STAC: variants seen among roughly 807,000 people sequenced by gnomAD.
STAC encodes the protein SH3 and cysteine-rich domain-containing protein.
In STAC, 43 loss-of-function variants were observed where a neutral mutation model predicts 48.8. The observed-to-expected ratio is 0.88, with a 90% CI of 0.69 to 1.14. STAC has a LOEUF of 1.14. Ranked by LOEUF, STAC falls within the 50% of genes most tolerant of loss-of-function variation. The pLI is 0.00. For synonymous variants in STAC, 193 were observed against 179.5 expected, an observed-to-expected ratio of 1.07 and a Z score of -0.60; for missense variants, 497 against 504.0, an observed-to-expected ratio of 0.99 and a Z score of 0.13.
At chr3:36,418,480 G>A (rs1034331918) in intron 1 of STAC, among the ~76,000 whole-genome samples, 4 of 151,948 alleles carry the variant, frequency 2.6e-5, no homozygotes, top group Non-Finnish European at 4.4e-5. Flanking sequence ...AATAGAATGT[G>A]GCTTGTTTAA....
chr3:36,447,829 C>T (rs1424579743), intron 2 of STAC, among the ~76,000 whole-genome samples: 1 of 152,162 alleles, frequency 6.6e-6, no homozygotes, highest in Non-Finnish European at 1.5e-5. Context: ...CTCTGAGGTT[C>T]TGTCCATCAT....
intron 8 of STAC, among the ~76,000 whole-genome samples, chr3:36,516,739 TA>T (rs1698683156): frequency 6.6e-6 from 1 of 152,228 alleles, no homozygotes. Context: ...GCAAACTGTT[TA>T]ATCTTTTAGA....
chr3:36,399,823 C>G (rs1350243326), intron 1 of STAC, among the ~76,000 whole-genome samples: 1 of 152,164 alleles, frequency 6.6e-6, no homozygotes, highest in Non-Finnish European at 1.5e-5. Flanking sequence ...ATAGATAAAT[C>G]AAAGCCCAGA....
intron 8 of STAC, chr3:36,506,057 A>T (rs2125714130): frequency 5.5e-6 from 2 of 365,886 alleles, no homozygotes; most frequent in East Asian, 9.5e-5. Context: ...TGCATTCCTA[A>T]GGAGTTCCCA....
At chr3:36,475,262 A>AT (rs34947140) in intron 2 of STAC, among the ~76,000 whole-genome samples, 18 of 148,854 alleles carry the variant, frequency 1.2e-4, no homozygotes, top group East Asian at 2.0e-4. Flanking sequence ...ACATCATGTT[A>AT]TTTTTTTTTT....
At chr3:36,403,972 G>A (rs992211820) in intron 1 of STAC, among the ~76,000 whole-genome samples, 1 of 152,066 alleles carries the variant, frequency 6.6e-6, no homozygotes, top group African/African-American at 2.4e-5. Flanking sequence ...TGACTTGAAA[G>A]GTATTTTATA....
At chr3:36,523,705 A>T (rs1029309326) in intron 8 of STAC, among the ~76,000 whole-genome samples, 1 of 152,246 alleles carries the variant, frequency 6.6e-6, no homozygotes, top group African/African-American at 2.4e-5. Context: ...CCACAGAAGC[A>T]TGAAACAACT....
chr3:36,538,110 C>T (rs1272834477), intron 10 of STAC, among the ~76,000 whole-genome samples: 1 of 152,140 alleles, frequency 6.6e-6, no homozygotes, highest in Admixed American at 6.6e-5. Flanking sequence ...TGGCATATTT[C>T]ATGTCAAACT....
At chr3:36,439,158 G>A (rs546094866) in intron 1 of STAC, among the ~76,000 whole-genome samples, 2 of 152,236 alleles carry the variant, frequency 1.3e-5, no homozygotes, top group African/African-American at 4.8e-5. Flanking sequence ...TTGAACCCTG[G>A]TCTTGATTCA....
chr3:36,409,261 G>T, intron 1 of STAC, among the ~76,000 whole-genome samples: 1 of 152,166 alleles, frequency 6.6e-6, no homozygotes, highest in South Asian at 2.1e-4. Context: ...AGCTGTTAAT[G>T]AGTTGATATT....
chr3:36,484,675 A>G (rs1446869723), intron 3 of STAC, among the ~76,000 whole-genome samples: 2 of 152,134 alleles, frequency 1.3e-5, no homozygotes, highest in Non-Finnish European at 2.9e-5. Context: ...CCAGGAGGCA[A>G]TGAGGATCTG....
rs1392085352 is a variant in STAC, at chr3:36,443,169, G to C, written c.112-195G>C. 1.3e-5 allele frequency among the ~76,000 whole-genome samples: 2 copies of C among 152,288 alleles called. No individual in the cohort carries two copies. Among genetic ancestry groups the C allele is most frequent in the East Asian group, 3.9e-4 (2 of 5,164 alleles). The stretch of plus-strand genomic sequence containing the variant: ...GACCTCTTTCTGCTCATCTGGCTTA[G>C]TGGCAGGGGCGGGGGAAATTCCCTC... On this transcript the variant is annotated intron_variant, in intron 1 of 10. Coordinates refer to ENST00000273183, the MANE Select transcript of STAC (RefSeq NM_003149.3). This position sits in a 1 kb window ranked among gnomAD's most constrained non-coding sequence, Gnocchi z 4.2.
At chr3:36,426,973 T>C (rs1317986022) in intron 1 of STAC, among the ~76,000 whole-genome samples, 4 of 152,352 alleles carry the variant, frequency 2.6e-5, no homozygotes, top group Admixed American at 6.5e-5. Context: ...TGACAGCTAA[T>C]TCATTGCCCT....
At position 36,509,494 on chromosome 3, in the gene STAC, T is replaced by G. The variant is rs184317013; in HGVS notation, c.920+3660T>G. The stretch of plus-strand genomic sequence containing the variant: ...TTCTCCTGGATAATACCCTGAAGAG[T>G]GTTTTCCAACTTTGTTCCATTCTCC... On this transcript the variant is annotated intron_variant, in intron 8 of 10. Coordinates refer to ENST00000273183, the MANE Select transcript of STAC (RefSeq NM_003149.3). 4.5e-3 allele frequency among the ~76,000 whole-genome samples: 679 copies of G among 152,284 alleles called. 3 individuals carry two copies. Among genetic ancestry groups the G allele is most frequent in the Middle Eastern group, 0.014 (4 of 294 alleles).
chr3:36,394,081 A>G (rs1699805700), intron 1 of STAC, among the ~76,000 whole-genome samples: 2 of 152,100 alleles, frequency 1.3e-5, no homozygotes, highest in South Asian at 4.2e-4. Context: ...AACAACAGGA[A>G]AAATAACAGG....
chr3:36,505,877 G>C (rs1207222822), intron 8 of STAC, 43 bp downstream of exon 8: 11 of 1,386,802 alleles, frequency 7.9e-6, no homozygotes, highest in Non-Finnish European at 1.1e-5. Flanking sequence ...AAATTTTAAA[G>C]TCAGTATTTC....
intron 1 of STAC, among the ~76,000 whole-genome samples, chr3:36,386,032 T>C (rs1309247664): frequency 2.0e-5 from 3 of 152,096 alleles, no homozygotes; most frequent in Non-Finnish European, 4.4e-5. Flanking sequence ...TTCTGGCTTA[T>C]AGGGTATACA....
intron 1 of STAC, among the ~76,000 whole-genome samples, chr3:36,394,330 C>G (rs148272645): frequency 3.8e-4 from 58 of 152,320 alleles, no homozygotes; most frequent in African/African-American, 1.3e-3. Flanking sequence ...CATGATTGCA[C>G]AAGGTTCTAG....
At chr3:36,411,999 C>A (rs576583538) in intron 1 of STAC, among the ~76,000 whole-genome samples, 4 of 152,114 alleles carry the variant, frequency 2.6e-5, no homozygotes, top group African/African-American at 9.7e-5. Flanking sequence ...AATATATTAA[C>A]TGTACAAGTT....
Sources: gnomAD v4.1 joint callset for allele counts (sites outside exome capture counted in the v4.1 genomes callset) on GRCh38, gnomAD v4.1.1 for gene constraint, Gnocchi (gnomAD v3.1) non-coding constraint, MANE v1.5 for transcripts, NCBI Gene and HGNC (gene_info 2026-07-23, HGNC 2026-07-21) for gene names.